ANK2: variants seen among roughly 807,000 people sequenced by gnomAD.
ANK2 encodes ankyrin-2.
In ANK2, 83 loss-of-function variants were observed where a neutral mutation model predicts 360.5. That is an observed-to-expected ratio of 0.23 (90% confidence interval 0.19 to 0.28). The LOEUF is 0.28. Among genes scored for constraint, ANK2 ranks in the 10% least tolerant of loss-of-function variants. The pLI is 1.00. For synonymous variants in ANK2, 1,740 were observed against 1,759.5 expected (o/e 0.99, Z 0.28); for missense variants, 4,201 against 4,795.7 (o/e 0.88, Z 3.66).
At chr4:113,242,988 TA>T (rs1463163754) in intron 9 of ANK2, among the ~76,000 whole-genome samples, 1 of 152,198 alleles carries the variant, frequency 6.6e-6, no homozygotes, top group African/African-American at 2.4e-5. Flanking sequence ...AATTAACTCT[TA>T]GGTATATTAT....
chr4:113,162,386 T>G (rs2097568423), intron 1 of ANK2, among the ~76,000 whole-genome samples: 1 of 152,172 alleles, frequency 6.6e-6, no homozygotes, highest in African/African-American at 2.4e-5. Flanking sequence ...TACAAAACAT[T>G]AATGGTCTGG....
chr4:113,334,864 G>A (rs2093274131), intron 29 of ANK2, among the ~76,000 whole-genome samples: 1 of 151,150 alleles, frequency 6.6e-6, no homozygotes. Context: ...TTACTAGAAA[G>A]TTAAAGATTT....
chr4:113,047,903 T>A (rs313935), upstream of ANK2, among the ~76,000 whole-genome samples: 123,857 of 151,628 alleles, frequency 0.82, 50,905 homozygotes, highest in African/African-American at 0.9. Flanking sequence ...AATGGGGAAA[T>A]AGGTGAATTT....
At chr4:113,073,118 T>C (rs1327111816) in intron 1 of ANK2, among the ~76,000 whole-genome samples, 2 of 151,692 alleles carry the variant, frequency 1.3e-5, no homozygotes, top group African/African-American at 4.8e-5. Flanking sequence ...CCCACCACCA[T>C]GCCTGGCTAG....
rs951830047 is a variant in ANK2 at position 113,132,751 on chromosome 4, G to A, written c.85-41665G>A. Among the ~76,000 whole-genome samples, 5 of 152,192 alleles carry A rather than the reference G, an allele frequency of 3.3e-5. No individual in the cohort carries two copies. In the South Asian group the frequency reaches 1.0e-3, roughly 32 times the overall value. The stretch of plus-strand genomic sequence containing the variant: ...CACAATGTAGGAAATAGTCAACATT[G>A]GGGTTCTCACTCCAGCAGGGGGATA... On this transcript the variant is annotated intron_variant, in intron 1 of 45. Transcript: ENST00000357077.
At chr4:112,793,841 G>A in the ANK2 span, among the ~76,000 whole-genome samples, 2 of 151,916 alleles carry the variant, frequency 1.3e-5, no homozygotes, top group Non-Finnish European at 2.9e-5. Flanking sequence ...GAGTAGCTGG[G>A]ACAACAGGCA....
intron 33 of ANK2, 49 bp from the exon 34 acceptor site, chr4:113,342,968 A>G (rs932461233): frequency 1.2e-6 from 2 of 1,610,740 alleles, no homozygotes; most frequent in Non-Finnish European, 1.7e-6. Flanking sequence ...TGTAAACAAC[A>G]AGTATAATTG....
At chr4:112,800,245 A>G in the ANK2 span, among the ~76,000 whole-genome samples, 1 of 152,230 alleles carries the variant, frequency 6.6e-6, no homozygotes, top group Non-Finnish European at 1.5e-5. Context: ...AGTATCCTTT[A>G]AAAACACCTA....
the ANK2 span, among the ~76,000 whole-genome samples, chr4:112,776,328 T>C: frequency 6.6e-6 from 1 of 152,284 alleles, no homozygotes; most frequent in East Asian, 1.9e-4. Flanking sequence ...ATTTACTGAA[T>C]TGGACAAAGA....
chr4:112,818,012 G>A (rs932707143), upstream of ANK2: 1 of 152,396 alleles, frequency 6.6e-6, no homozygotes, highest in African/African-American at 2.4e-5. Flanking sequence ...GGAAGAGGCT[G>A]GCGGATGGGC....
chr4:113,073,531 T>A (rs1284368077), intron 1 of ANK2, among the ~76,000 whole-genome samples: 1 of 152,036 alleles, frequency 6.6e-6, no homozygotes, highest in Non-Finnish European at 1.5e-5. Context: ...TCCCAAGTAT[T>A]CTACAGAAGA....
In ANK2 at chr4:113,237,147, A is replaced by T; in HGVS notation, c.644A>T (p.Asp215Val). The T allele has an allele frequency of 6.2e-7, 1 of 1,614,088 alleles. No homozygotes were observed. The highest frequency in any genetic ancestry group is 8.5e-7 in the Non-Finnish European group (1 of 1,179,976). The change falls in exon 6 of 46, where the codon GAC becomes GTC. Residue 215 changes from aspartate to valine, a missense_variant. Coordinates refer to ENST00000357077, the MANE Select transcript of ANK2 (RefSeq NM_001148.6). ...TKSAALLLQN[D>V]HNADVQSKMM... The stretch of plus-strand genomic sequence containing the variant: ...TCTGCCGCACTTCTGCTTCAGAATG[A>T]CCACAATGCTGACGTACAATCCAAG...
At chr4:112,800,394 C>T in the ANK2 span, among the ~76,000 whole-genome samples, 2 of 151,950 alleles carry the variant, frequency 1.3e-5, no homozygotes, top group African/African-American at 4.8e-5. Flanking sequence ...ACAAATCTAG[C>T]GTGTGTGTGT....
At chr4:113,287,891 A>G (rs965649451) in intron 19 of ANK2, among the ~76,000 whole-genome samples, 188 bp downstream of exon 19, 4 of 152,208 alleles carry the variant, frequency 2.6e-5, no homozygotes, top group African/African-American at 9.6e-5. Context: ...AATCAAGTCC[A>G]GTGGATAGCA....
chr4:112,788,992 C>T, the ANK2 span: 13 of 550,870 alleles, frequency 2.4e-5, no homozygotes, highest in Admixed American at 9.5e-5. Flanking sequence ...ATTTTTATTT[C>T]CCTCAAAGTG....
At chr4:112,713,834 T>A in the ANK2 span, among the ~76,000 whole-genome samples, 1 of 146,978 alleles carries the variant, frequency 6.8e-6, no homozygotes, top group Non-Finnish European at 1.5e-5. Context: ...CTCGGGAGGC[T>A]GAGGCATGGG....
At chr4:113,302,123 C>T (rs529605550) in intron 22 of ANK2, among the ~76,000 whole-genome samples, 1 of 152,266 alleles carries the variant, frequency 6.6e-6, no homozygotes, top group Non-Finnish European at 1.5e-5. Context: ...AGAATTTTAA[C>T]CCAGGCAGCT....
intron 1 of ANK2, among the ~76,000 whole-genome samples, chr4:112,840,749 G>A (rs1447872046): frequency 6.6e-6 from 1 of 152,206 alleles, no homozygotes; most frequent in African/African-American, 2.4e-5. Flanking sequence ...CCTATGAGGT[G>A]AGTCTAGTAG....
At chr4:113,188,738 T>C (rs1221526209) in intron 2 of ANK2, among the ~76,000 whole-genome samples, 1 of 152,194 alleles carries the variant, frequency 6.6e-6, no homozygotes, top group Non-Finnish European at 1.5e-5. Flanking sequence ...GCTATTTAAA[T>C]TAAGTCCTTC....
Sources: allele counts gnomAD v4.1 joint callset (sites outside exome capture counted in the v4.1 genomes callset), GRCh38; gene constraint gnomAD v4.1.1; transcripts MANE v1.5; gene names NCBI Gene and HGNC (gene_info 2026-07-23, HGNC 2026-07-21).